The following PATL2 variants were observed in gnomAD, a reference collection of about 807,000 sequenced individuals.
PATL2 encodes the protein protein PAT1 homolog 2.
PATL2 carries 73 observed loss-of-function variants against 77.0 expected under a neutral mutation model. The ratio of observed to expected loss-of-function variants is 0.95; its 90% confidence interval spans 0.78 to 1.15. PATL2 has a LOEUF of 1.15. Ranked by LOEUF, PATL2 falls within the 50% of genes most tolerant of loss-of-function variation. PATL2 has a pLI of 0.00. For missense variants in PATL2, 618 were observed against 655.4 expected (o/e 0.94, Z 0.62); for synonymous variants, 265 against 257.1 (o/e 1.03, Z -0.29).
chr15:44,674,523 C>T (rs576132225), intron 5 of PATL2: 1 of 220,832 alleles, frequency 4.5e-6, no homozygotes, highest in African/African-American at 2.3e-5. Flanking sequence ...GTGTATAGTG[C>T]TTTTTTCTTA....
At chr15:44,705,235 T>A (rs1186328614) in intron 3 of PATL2, among the ~76,000 whole-genome samples, 1 of 151,980 alleles carries the variant, frequency 6.6e-6, no homozygotes, top group Non-Finnish European at 1.5e-5. Flanking sequence ...CAGGCTGGAG[T>A]GCAGTGCTGT....
At chr15:44,675,827 T>C in intron 4 of PATL2, 136 bp from the exon 5 acceptor site, 1 of 748,174 alleles carries the variant, frequency 1.3e-6, no homozygotes, top group Non-Finnish European at 2.1e-6. Context: ...CGCCTCCTGT[T>C]CTGTGGGTTT....
At position 44,672,006 on chromosome 15, in the gene PATL2, G is replaced by A. The variant is rs765021267; in HGVS notation, c.657+9C>T. 3.9e-6 allele frequency: 6 copies of A among 1,551,492 alleles called. No individual in the cohort carries two copies. Among genetic ancestry groups the A allele is most frequent in the African/African-American group, 2.7e-5 (2 of 73,042 alleles). ...GGTCAGAGGCTGGGCTGAGTACTGCGGGGCTCACCTGGTAATAGTAGTCAT... is the reference window on the plus strand; with the variant it reads ...GGTCAGAGGCTGGGCTGAGTACTGCAGGGCTCACCTGGTAATAGTAGTCAT... On this transcript the variant is annotated intron_variant, in intron 9 of 17. Coordinates refer to ENST00000682850, the MANE Select transcript of PATL2 (RefSeq NM_001387263.1).
At position 44,673,573 on chromosome 15, in the gene PATL2, C is replaced by T. The variant is rs537989948; in HGVS notation, c.304-196G>A. On this transcript the variant is annotated intron_variant, in intron 6 of 17. Transcript: ENST00000682850. ...CTGCCCTTGTTTCAACAGGGCTTGACTAGGAAGCAGCTCTTCATTCCCTGA... is the reference window on the plus strand; with the variant it reads ...CTGCCCTTGTTTCAACAGGGCTTGATTAGGAAGCAGCTCTTCATTCCCTGA... Among the ~76,000 whole-genome samples the T allele has an allele frequency of 2.0e-5, 3 of 152,298 alleles. No individual in the cohort carries two copies. In the South Asian group the frequency reaches 6.2e-4, roughly 32 times the overall value.
chr15:44,677,535 T>C (rs2086013025), intron 3 of PATL2, among the ~76,000 whole-genome samples: 1 of 152,078 alleles, frequency 6.6e-6, no homozygotes, highest in African/African-American at 2.4e-5. Flanking sequence ...AACAAAAACA[T>C]AGCTGCTCCT....
At chr15:44,674,028 T>G (rs1436982673) in intron 6 of PATL2, 122 bp downstream of exon 6, 4 of 906,654 alleles carry the variant, frequency 4.4e-6, no homozygotes, top group African/African-American at 3.4e-5. Flanking sequence ...ATGGGGCAAC[T>G]CCCACCTCCC....
chr15:44,710,503 T>C (rs78335029), intron 2 of PATL2, among the ~76,000 whole-genome samples: 3,189 of 152,292 alleles, frequency 0.021, 98 homozygotes, highest in African/African-American at 0.073. Flanking sequence ...GTCCAAACTC[T>C]CACTAAAATT....
intron 8 of PATL2, 23 bp downstream of exon 8, chr15:44,672,365 C>T (rs1449276425): frequency 1.3e-6 from 2 of 1,550,700 alleles, no homozygotes; most frequent in African/African-American, 2.7e-5. Context: ...TCCCCTCAAC[C>T]CTGCTCCTGG....
At chr15:44,689,123 A>G (rs1416293346) in intron 3 of PATL2, among the ~76,000 whole-genome samples, 1 of 152,272 alleles carries the variant, frequency 6.6e-6, no homozygotes, top group Non-Finnish European at 1.5e-5. Flanking sequence ...GCTCATCAAC[A>G]TTGGTCATTA....
At chr15:44,671,005 T>C (rs892574112) in intron 9 of PATL2, among the ~76,000 whole-genome samples, 1 of 152,198 alleles carries the variant, frequency 6.6e-6, no homozygotes, top group Non-Finnish European at 1.5e-5. Flanking sequence ...AAACAAGGAT[T>C]TGAAAAAGGC....
At position 44,669,864 on chromosome 15, in the gene PATL2, G is replaced by A. The variant is rs759960434; in HGVS notation, c.789C>T (p.Ile263=). 2.8e-5 allele frequency: 44 copies of A among 1,551,446 alleles called. No homozygotes were observed. The highest frequency in any genetic ancestry group is 3.6e-5 in the Non-Finnish European group (41 of 1,146,984). ...KAEAYESVVR[I]EGSLGQVAVS... is the part of the protein sequence containing the mutation. Reference sequence around the variant, plus strand: ...CAGCTACCTGGCCCAGGGAACCCTCGATTCGGACCACTGCATGAGAAGAGA... The same window carrying A: ...CAGCTACCTGGCCCAGGGAACCCTCAATTCGGACCACTGCATGAGAAGAGA... Residue 263 remains isoleucine (I), a synonymous_variant, in exon 11 of 18, where the codon ATC becomes ATT. Coordinates refer to ENST00000682850, the MANE Select transcript of PATL2 (RefSeq NM_001387263.1).
At chr15:44,691,816 A>G (rs546207882) in intron 3 of PATL2, among the ~76,000 whole-genome samples, 1 of 152,248 alleles carries the variant, frequency 6.6e-6, no homozygotes, top group African/African-American at 2.4e-5. Context: ...ATAAATAAAT[A>G]AGATACAAAG....
intron 3 of PATL2, among the ~76,000 whole-genome samples, chr15:44,689,758 G>A (rs2086345559): frequency 6.6e-6 from 1 of 152,164 alleles, no homozygotes; most frequent in African/African-American, 2.4e-5. Flanking sequence ...AATACCTAAT[G>A]TAGATGACTG....
At chr15:44,690,908 CTTTAG>C (rs1450606890) in intron 3 of PATL2, among the ~76,000 whole-genome samples, 1 of 151,986 alleles carries the variant, frequency 6.6e-6, no homozygotes, top group African/African-American at 2.4e-5. Context: ...AAATTCTTTA[CTTTAG>C]TTAAGTGTGA....
chr15:44,673,180 G>A lies in PATL2; in HGVS notation c.446+55C>T, dbSNP rs936798975. On this transcript the variant is annotated intron_variant, in intron 7 of 17. Transcript: ENST00000682850. ...GTGGCAACTGGTAGGCATGGTCCCC[G>A]CCCCTCCTCAGCCAGCACCTCCTGA... The A allele has an allele frequency of 1.2e-5, 19 of 1,539,286 alleles. No individual in the cohort carries two copies. The East Asian group carries it at 3.4e-4, about 28-fold the overall frequency.
At position 44,699,808 on chromosome 15, in the gene PATL2, G is replaced by A. The variant is rs144233265; in HGVS notation, c.-76+10288C>T. 4.7e-3 allele frequency among the ~76,000 whole-genome samples: 721 copies of A among 152,294 alleles called. 7 individuals are homozygous for A. Among genetic ancestry groups the A allele is most frequent in the African/African-American group, 0.017 (699 of 41,566 alleles). ...CAACTTTGTTGAAAATAAGTTTACTGTAGATGTATGGATTTGTTTCTGGGT... is the reference window on the plus strand; with the variant it reads ...CAACTTTGTTGAAAATAAGTTTACTATAGATGTATGGATTTGTTTCTGGGT... On this transcript the variant is annotated intron_variant, in intron 3 of 17. Transcript: ENST00000682850.
chr15:44,676,157 T>G, intron 4 of PATL2: 1 of 418,972 alleles, frequency 2.4e-6, no homozygotes, highest in South Asian at 2.5e-5. Context: ...CCCTTTCTAT[T>G]GCCTCTTTGA....
chr15:44,674,168 G>C lies in PATL2; in HGVS notation c.285C>G (p.Ser95=), dbSNP rs2085830594. 6.5e-7 allele frequency: 1 copy of C among 1,549,998 alleles called. No individual in the cohort carries two copies. Among genetic ancestry groups the C allele is most frequent in the African/African-American group, 1.4e-5 (1 of 73,120 alleles). ...GACTCACCTGCCACAGAAAATGCAAGGAGGCAAGTGACATTCCCAGCATAC... is the reference window on the plus strand; with the variant it reads ...GACTCACCTGCCACAGAAAATGCAACGAGGCAAGTGACATTCCCAGCATAC... ...APGMLGMSLA[S]LHFLWQTLDY... is the part of the protein sequence containing the mutation. Residue 95 remains serine (S), a synonymous_variant, in exon 6 of 18, where the codon TCC becomes TCG. Coordinates refer to ENST00000682850, the MANE Select transcript of PATL2 (RefSeq NM_001387263.1).
At chr15:44,704,155 AT>A (rs374729545) in intron 3 of PATL2, among the ~76,000 whole-genome samples, 671 of 134,006 alleles carry the variant, frequency 5.0e-3, no homozygotes, top group Admixed American at 6.1e-3. Context: ...TGTCTGGCTA[AT>A]TTTTTTTTTT....
Sources: allele counts gnomAD v4.1 joint callset (sites outside exome capture counted in the v4.1 genomes callset), GRCh38; gene constraint gnomAD v4.1.1; transcripts MANE v1.5; gene names NCBI Gene and HGNC (gene_info 2026-07-23, HGNC 2026-07-21).